The following NALF1 variants were observed in gnomAD, a reference collection of about 807,000 sequenced individuals.
The protein encoded by NALF1 is NALCN channel auxiliary factor 1, also known as family with sequence similarity 155 member A.
Under a neutral mutation model 48.4 loss-of-function variants are expected in NALF1, and 3 were observed. The observed-to-expected ratio is 0.06, with a 90% CI of 0.03 to 0.16. NALF1 has a LOEUF of 0.16. NALF1 is among the 10% of genes least tolerant of loss of function. NALF1 has a pLI of 1.00. For missense variants in NALF1, 526 were observed against 571.5 expected (o/e 0.92, Z 0.81); for synonymous variants, 262 against 245.7 (o/e 1.07, Z -0.62).
intron 1 of NALF1, among the ~76,000 whole-genome samples, chr13:107,436,475 AC>A (rs2139022092): frequency 6.6e-6 from 1 of 152,328 alleles, no homozygotes; most frequent in South Asian, 2.1e-4. Context: ...ATGTTTTTAA[AC>A]CTATGATCAT....
Position 107,537,382 on chromosome 13 carries a change from CT to C in NALF1, c.916-326628del, listed in dbSNP as rs536282575. ...TTAATATTTAGCTTTACTAATATAA[CT>C]TTTTATTTAGTGAATGGAATCAATT... On this transcript the variant is annotated intron_variant, in intron 1 of 2. Transcript: ENST00000375915. 1.0e-3 allele frequency among the ~76,000 whole-genome samples: 155 copies of C among 152,126 alleles called. 2 individuals are homozygous for C. Among genetic ancestry groups the C allele is most frequent in the African/African-American group, 3.5e-3 (144 of 41,512 alleles).
intron 1 of NALF1, 52 bp from the exon 2 acceptor site, chr13:107,210,807 G>C (rs745577753): frequency 1.5e-6 from 2 of 1,311,066 alleles, no homozygotes; most frequent in Non-Finnish European, 2.2e-6. Context: ...CAGTTACAGT[G>C]ATAGAGGCAC....
chr13:107,499,122 T>C (rs187269243), intron 1 of NALF1, among the ~76,000 whole-genome samples: 32 of 151,136 alleles, frequency 2.1e-4, no homozygotes, highest in Admixed American at 2.0e-3. Context: ...GATTTTTAAG[T>C]GTTTTCATTA....
intron 1 of NALF1, among the ~76,000 whole-genome samples, chr13:107,373,674 G>A (rs1335385602): frequency 2.0e-5 from 3 of 152,120 alleles, no homozygotes; most frequent in Non-Finnish European, 4.4e-5. Context: ...CATCAACCTG[G>A]TCTCTGAAAT....
chr13:107,718,041 A>T (rs1875873714), intron 1 of NALF1, among the ~76,000 whole-genome samples: 1 of 152,156 alleles, frequency 6.6e-6, no homozygotes, highest in Non-Finnish European at 1.5e-5. Flanking sequence ...TGGTTCCTAC[A>T]TTCTGGCAAG....
At chr13:107,707,165 G>C (rs957872345) in intron 1 of NALF1, among the ~76,000 whole-genome samples, 1 of 151,538 alleles carries the variant, frequency 6.6e-6, no homozygotes, top group African/African-American at 2.4e-5. Flanking sequence ...CTCGTGATCC[G>C]CCCGCCTCGG....
chr13:107,727,079 G>C (rs1326895189), intron 1 of NALF1, among the ~76,000 whole-genome samples: 1 of 151,968 alleles, frequency 6.6e-6, no homozygotes, highest in Non-Finnish European at 1.5e-5. Flanking sequence ...CAAAGTGCTG[G>C]GATTACAGGC....
intron 1 of NALF1, among the ~76,000 whole-genome samples, chr13:107,345,295 C>T (rs964307556): frequency 1.3e-5 from 2 of 151,964 alleles, no homozygotes; most frequent in African/African-American, 2.4e-5. Context: ...TTTACAGAAA[C>T]AGAAAAAAAT....
intron 1 of NALF1, among the ~76,000 whole-genome samples, chr13:107,704,571 G>T (rs1400994450): frequency 6.6e-6 from 1 of 151,808 alleles, no homozygotes; most frequent in Non-Finnish European, 1.5e-5. Context: ...TGTTTATTTT[G>T]AGCCAGTTTT....
At chr13:107,284,878 T>G (rs1881462466) in intron 1 of NALF1, among the ~76,000 whole-genome samples, 3 of 150,510 alleles carry the variant, frequency 2.0e-5, no homozygotes. Context: ...CGCGAGAAGT[T>G]CATTTCTATT....
chr13:107,621,239 A>C (rs963981561), intron 1 of NALF1, among the ~76,000 whole-genome samples: 1 of 152,234 alleles, frequency 6.6e-6, no homozygotes, highest in Non-Finnish European at 1.5e-5. Context: ...AGCACATTTC[A>C]AGGACAGTAA....
intron 1 of NALF1, among the ~76,000 whole-genome samples, chr13:107,253,553 T>C (rs1880747738): frequency 6.6e-6 from 1 of 152,208 alleles, no homozygotes; most frequent in Non-Finnish European, 1.5e-5. Context: ...GTTTACATGA[T>C]GGAATTCAGG....
At chr13:107,233,245 C>T (rs2138827052) in intron 1 of NALF1, among the ~76,000 whole-genome samples, 1 of 152,246 alleles carries the variant, frequency 6.6e-6, no homozygotes, top group Non-Finnish European at 1.5e-5. Context: ...AGAAAAATTC[C>T]ATATACCAGC....
chr13:107,463,465 T>C (rs1251802369), intron 1 of NALF1, among the ~76,000 whole-genome samples: 2 of 152,208 alleles, frequency 1.3e-5, no homozygotes, highest in Non-Finnish European at 2.9e-5. Context: ...ATAAAAAGCA[T>C]GCATATCAAA....
chr13:107,477,969 T>C (rs146926301), intron 1 of NALF1, among the ~76,000 whole-genome samples: 7 of 151,952 alleles, frequency 4.6e-5, no homozygotes, highest in Non-Finnish European at 1.0e-4. Flanking sequence ...TATAAATGCC[T>C]CCTGTCACAG....
chr13:107,334,682 G>A (rs1257162655), intron 1 of NALF1, among the ~76,000 whole-genome samples: 1 of 151,998 alleles, frequency 6.6e-6, no homozygotes, highest in African/African-American at 2.4e-5. Flanking sequence ...CCTTTTAAAT[G>A]GCTCTCCACA....
intron 1 of NALF1, among the ~76,000 whole-genome samples, chr13:107,540,049 T>TGTACACACAC (rs1555307598): frequency 6.7e-6 from 1 of 149,416 alleles, no homozygotes; most frequent in African/African-American, 2.5e-5. Flanking sequence ...GCTTCTGATG[T>TGTACACACAC]ACACACACAC....
rs567654771 is a variant in NALF1, at chr13:107,310,948, A to C, written c.916-100193T>G. ...AGTGCTGGGATTACAGGCGGGAGCC[A>C]CAGTGCCAAGCCATCTGGATTATTT... On this transcript the variant is annotated intron_variant, in intron 1 of 2. Coordinates refer to ENST00000375915, the MANE Select transcript of NALF1 (RefSeq NM_001080396.3). Among the ~76,000 whole-genome samples, 3 of 152,330 alleles carry C rather than the reference A, an allele frequency of 2.0e-5. No homozygotes were observed. The South Asian group carries it at 6.2e-4, about 32-fold the overall frequency.
At chr13:107,861,495 T>G (rs1880566444) in intron 1 of NALF1, among the ~76,000 whole-genome samples, 1 of 152,200 alleles carries the variant, frequency 6.6e-6, no homozygotes, top group Admixed American at 6.5e-5. Flanking sequence ...CTTAAAAAAC[T>G]ATTTCTTGGC....
Sources: allele counts gnomAD v4.1 joint callset (sites outside exome capture counted in the v4.1 genomes callset), GRCh38; gene constraint gnomAD v4.1.1; transcripts MANE v1.5; gene names NCBI Gene and HGNC (gene_info 2026-07-23, HGNC 2026-07-21).